Variants in ZNF10 observed in about 807,000 individuals in gnomAD.
ZNF10 encodes zinc finger protein 10.
In ZNF10, 8 loss-of-function variants were observed where a neutral mutation model predicts 12.2. The ratio of observed to expected loss-of-function variants is 0.66; its 90% CI spans 0.39 to 1.18. The LOEUF (loss-of-function observed/expected upper bound fraction) is 1.18, where lower values mean the gene tolerates loss of function less well. Among genes scored for constraint, ZNF10 ranks in the 50% most tolerant of loss-of-function variants. The probability of loss-of-function intolerance (pLI) is 0.01; values close to 1 mark genes in which losing one functional copy is unlikely to be tolerated. For synonymous variants in ZNF10, 229 were observed against 228.2 expected (o/e 1.00, Z -0.03); for missense variants, 603 against 678.9 (o/e 0.89, Z 1.24).
At chr12:133,131,342 A>ATG (rs1955874515) in intron 1 of ZNF10, among the ~76,000 whole-genome samples, 1 of 74,908 alleles carries the variant, frequency 1.3e-5, no homozygotes, top group Admixed American at 1.1e-4. Flanking sequence ...AGATATATAT[A>ATG]CGCCATCTAA....
chr12:133,142,015 G>A (rs1199297893), intron 1 of ZNF10, among the ~76,000 whole-genome samples: 3 of 152,132 alleles, frequency 2.0e-5, no homozygotes, highest in African/African-American at 7.2e-5. Context: ...TCTAAGAAGA[G>A]TGGAACTATA....
chr12:133,151,601 GC>G (rs1956007784), intron 3 of ZNF10, among the ~76,000 whole-genome samples: 1 of 152,122 alleles, frequency 6.6e-6, no homozygotes, highest in Non-Finnish European at 1.5e-5. Context: ...CCAAGATTAT[GC>G]CACTGCACTC....
chr12:133,133,701 A>G (rs754828368), intron 1 of ZNF10, among the ~76,000 whole-genome samples: 2 of 152,134 alleles, frequency 1.3e-5, no homozygotes, highest in Non-Finnish European at 2.9e-5. Flanking sequence ...AGGGTCCAGA[A>G]CGTTGTTGTG....
At position 133,147,703 on chromosome 12, in the gene ZNF10, T is replaced by G. The variant is rs1323985075; in HGVS notation, c.33+3178T>G. 2.0e-5 allele frequency among the ~76,000 whole-genome samples: 3 copies of G among 150,756 alleles called. No individual in the cohort carries two copies. The Admixed American group carries it at 2.0e-4, about 10-fold the overall frequency. ...TATCAGCTCACTGCAACGTTTGCCT[T>G]CTCCCGGATTCAAGCAATTCTCCTG... is the stretch of plus-strand genomic sequence containing the variant. On this transcript the variant is annotated intron_variant, in intron 2 of 4. Coordinates refer to ENST00000248211, the MANE Select transcript of ZNF10 (RefSeq NM_015394.5).
rs558483317 is a variant in ZNF10, at chr12:133,134,027, G to A, written c.-60+3273G>A. On this transcript the variant is annotated intron_variant, in intron 1 of 4. Coordinates refer to ENST00000248211, the MANE Select transcript of ZNF10 (RefSeq NM_015394.5). ...GTAAAAGAGCTGGGTGGCCGGGCACGGTGGCTCACGCCTGTAATCCCAGCA... is the reference window on the plus strand; with the variant it reads ...GTAAAAGAGCTGGGTGGCCGGGCACAGTGGCTCACGCCTGTAATCCCAGCA... Among the ~76,000 whole-genome samples, 8 of 152,112 alleles carry A rather than the reference G, an allele frequency of 5.3e-5. No homozygotes were observed. In the South Asian group the frequency reaches 8.3e-4, roughly 16 times the overall value.
chr12:133,152,021 G>T, intron 4 of ZNF10, 117 bp downstream of exon 4: 1 of 689,656 alleles, frequency 1.5e-6, no homozygotes, highest in Admixed American at 2.8e-5. Context: ...TGGGAAGACT[G>T]AGTTTATCTG....
chr12:133,151,438 G>C (rs1026016492), intron 3 of ZNF10, among the ~76,000 whole-genome samples: 27 of 152,116 alleles, frequency 1.8e-4, no homozygotes, highest in African/African-American at 6.0e-4. Flanking sequence ...AAGGTCAAGA[G>C]ATTGAGACCA....
intron 1 of ZNF10, among the ~76,000 whole-genome samples, chr12:133,133,570 A>G (rs1232690011): frequency 6.6e-6 from 1 of 152,188 alleles, no homozygotes; most frequent in Non-Finnish European, 1.5e-5. Context: ...AGAGTCCTTC[A>G]TGTTTACGGA....
chr12:133,156,337 T>G lies in ZNF10; in HGVS notation c.1091T>G (p.Leu364Arg). 1.9e-6 allele frequency: 3 copies of G among 1,614,138 alleles called. No homozygotes were observed. The highest frequency in any genetic ancestry group is 2.5e-6 in the Non-Finnish European group (3 of 1,180,018). ...AAATCTTTTGTTCATAGCTCTAGGC[T>G]TATTAGACACCAGAGGACACATACT... Reference protein sequence around the residue: ...CGKSFVHSSRLIRHQRTHTGE... With the variant: ...CGKSFVHSSRRIRHQRTHTGE... Residue 364 changes from leucine to arginine, a missense_variant, in exon 5 of 5, where the codon CTT becomes CGT. Transcript: ENST00000248211.
chr12:133,148,751 GTTT>G (rs34626298), intron 2 of ZNF10, among the ~76,000 whole-genome samples: 1 of 126,758 alleles, frequency 7.9e-6, no homozygotes, highest in African/African-American at 3.0e-5. Context: ...TTCAATGTTG[GTTT>G]TTTTTTTTTT....
Position 133,156,667 on chromosome 12 carries a change from C to T in ZNF10, c.1421C>T (p.Ser474Phe), listed in dbSNP as rs758816145. ...TGTGGAAAATCTTTCAGCCAGAGTTCTGCCCTTATTGTGCATCAGAGGATA... is the reference window on the plus strand; with the variant it reads ...TGTGGAAAATCTTTCAGCCAGAGTTTTGCCCTTATTGTGCATCAGAGGATA... Reference protein sequence around the residue: ...HDCGKSFSQSSALIVHQRIHT... With the variant: ...HDCGKSFSQSFALIVHQRIHT... The change falls in exon 5 of 5, where the codon TCT becomes TTT. Residue 474 changes from serine (S) to phenylalanine (F), a missense_variant. Ser to Phe is a radical substitution (Grantham distance 155). Coordinates refer to ENST00000248211, the MANE Select transcript of ZNF10 (RefSeq NM_015394.5). The T allele has an allele frequency of 6.2e-7, 1 of 1,614,148 alleles. No homozygotes were observed. The highest frequency in any genetic ancestry group is 1.1e-5 in the South Asian group (1 of 91,076).
intron 3 of ZNF10, among the ~76,000 whole-genome samples, chr12:133,151,403 T>C (rs1342570548): frequency 6.6e-6 from 1 of 152,172 alleles, no homozygotes; most frequent in Non-Finnish European, 1.5e-5. Context: ...TCCAGCACTT[T>C]GGGAGGCCGA....
chr12:133,150,799 T>C (rs1205385844), intron 2 of ZNF10, among the ~76,000 whole-genome samples: 1 of 152,224 alleles, frequency 6.6e-6, no homozygotes, highest in African/African-American at 2.4e-5. Context: ...GACAGTTTTC[T>C]TTAACCTAAA....
chr12:133,140,169 C>T (rs1955935779), intron 1 of ZNF10, among the ~76,000 whole-genome samples: 1 of 141,572 alleles, frequency 7.1e-6, no homozygotes, highest in Non-Finnish European at 1.5e-5. Context: ...TGCCACTGTA[C>T]TCCAGCCTGG....
At chr12:133,143,149 G>A (rs1284310714) in intron 1 of ZNF10, among the ~76,000 whole-genome samples, 1 of 152,148 alleles carries the variant, frequency 6.6e-6, no homozygotes, top group Non-Finnish European at 1.5e-5. Context: ...CAAATTCATA[G>A]AGACAGAACG....
rs1593848585 is a variant in ZNF10, at chr12:133,156,460, A to G, written c.1214A>G (p.Tyr405Cys). 1 of 1,613,630 alleles carries G rather than the reference A, an allele frequency of 6.2e-7. No homozygotes were observed. Among genetic ancestry groups the G allele is most frequent in the Non-Finnish European group, 8.5e-7 (1 of 1,179,754 alleles). The change falls in exon 5 of 5, where the codon TAT becomes TGT. Residue 405 changes from tyrosine to cysteine, a missense_variant. Tyr to Cys is a radical substitution (Grantham distance 194). Around this residue, in one of 3 missense-constraint regions of ZNF10, gnomAD observed 204 missense variants for 262.8 expected, o/e 0.78. Transcript: ENST00000248211. The stretch of plus-strand genomic sequence containing the variant: ...AGAACCCATGTGAGAGTGAGGCCCT[A>G]TGAATGCAATGAATGTGGAAAGTCT... Reference protein sequence around the residue: ...HQRTHVRVRPYECNECGKSYS... With the variant: ...HQRTHVRVRPCECNECGKSYS...
intron 1 of ZNF10, among the ~76,000 whole-genome samples, chr12:133,133,378 G>A (rs188641080): frequency 1.0e-3 from 153 of 152,316 alleles, no homozygotes; most frequent in Non-Finnish European, 1.8e-3. Context: ...CAATGTGAGT[G>A]CTGGTTAAGT....
intron 2 of ZNF10, among the ~76,000 whole-genome samples, chr12:133,149,054 G>A (rs1955992931): frequency 6.6e-6 from 1 of 151,684 alleles, no homozygotes; most frequent in Non-Finnish European, 1.5e-5. Context: ...GCCCGGCCCA[G>A]TGTTTTCTTT....
At chr12:133,134,909 A>G (rs998340930) in intron 1 of ZNF10, among the ~76,000 whole-genome samples, 2 of 152,178 alleles carry the variant, frequency 1.3e-5, no homozygotes, top group African/African-American at 4.8e-5. Context: ...TGTGCTTTCT[A>G]ACTCCTAACA....
Sources: gnomAD v4.1 joint callset for allele counts (sites outside exome capture counted in the v4.1 genomes callset) on GRCh38, gnomAD v4.1.1 for gene constraint, gnomAD v4.1.1 regional missense constraint, MANE v1.5 for transcripts, NCBI Gene and HGNC (gene_info 2026-07-23, HGNC 2026-07-21) for gene names.